The following GSG1L variants were observed in gnomAD, a reference collection of about 807,000 sequenced individuals.
GSG1L encodes germ cell-specific gene 1-like protein.
A neutral mutation model predicts 42.1 loss-of-function variants in GSG1L; 24 were observed. The ratio of observed to expected loss-of-function variants is 0.57; its 90% CI spans 0.41 to 0.80. The LOEUF (loss-of-function observed/expected upper bound fraction) is 0.80, where lower values mean the gene tolerates loss of function less well. Ranked by LOEUF, GSG1L falls within the 30% of genes least tolerant of loss-of-function variation. GSG1L has a pLI of 0.00. For missense variants in GSG1L, 445 were observed against 472.2 expected (o/e 0.94, Z 0.53); for synonymous variants, 215 against 203.5 (o/e 1.06, Z -0.48).
chr16:27,853,232 GC>G (rs2083536540), intron 3 of GSG1L, among the ~76,000 whole-genome samples: 1 of 152,198 alleles, frequency 6.6e-6, no homozygotes, highest in Non-Finnish European at 1.5e-5. Flanking sequence ...TGTGCCCTCT[GC>G]CCTGGGGGAA....
rs113033995 is a variant in GSG1L at position 27,852,805 on chromosome 16, C to T, written c.551-7744G>A. ...AGCATGGCTGTGGCCTGAGAACAGG[C>T]GAGAGGAGCAGGAGGCAGGGAGCCT... On this transcript the variant is annotated intron_variant, in intron 3 of 6. Transcript: ENST00000447459. 3.1e-3 allele frequency among the ~76,000 whole-genome samples: 476 copies of T among 152,110 alleles called. 1 individual carries two copies. The highest frequency in any genetic ancestry group is 0.011 in the African/African-American group (446 of 41,510).
At position 27,888,005 on chromosome 16, in the gene GSG1L, C is replaced by T. The variant is rs371946609; in HGVS notation, c.398-3367G>A. 2.0e-5 allele frequency: 14 copies of T among 705,616 alleles called. No homozygotes were observed. In the East Asian group the frequency reaches 1.0e-3, roughly 53 times the overall value. The allele number at this position is 705,616 out of a possible 1,614,324, so 43.7% of individuals were successfully genotyped here. ...GCAGGAAATTCAGAGAGCGCTGAGC[C>T]TGCAGGAGGGTGGCCGCCCCCAGGA... On this transcript the variant is annotated intron_variant, in intron 2 of 6. Transcript: ENST00000447459.
intron 1 of GSG1L, among the ~76,000 whole-genome samples, chr16:27,997,429 C>T (rs1399437939): frequency 2.8e-5 from 4 of 145,340 alleles, no homozygotes; most frequent in African/African-American, 1.0e-4. Flanking sequence ...AAGCAATTCT[C>T]CTGCCTCAGC....
intron 5 of GSG1L, among the ~76,000 whole-genome samples, chr16:27,811,716 T>C (rs1270411493): frequency 6.6e-6 from 1 of 152,230 alleles, no homozygotes; most frequent in Non-Finnish European, 1.5e-5. Flanking sequence ...TGGTGTGATC[T>C]TGGCTCACTG....
intron 2 of GSG1L, among the ~76,000 whole-genome samples, chr16:27,897,002 T>C (rs915823216): frequency 5.3e-5 from 8 of 152,058 alleles, no homozygotes; most frequent in Non-Finnish European, 1.0e-4. Context: ...TAGCTGGGAT[T>C]ACAGGCGTAC....
At chr16:27,928,890 T>TA (rs1252714431) in intron 2 of GSG1L, among the ~76,000 whole-genome samples, 1 of 152,220 alleles carries the variant, frequency 6.6e-6, no homozygotes, top group Non-Finnish European at 1.5e-5. Context: ...CTTCCCTCCT[T>TA]ACAAACTAGC....
chr16:28,026,236 T>C (rs2085899255), intron 1 of GSG1L, among the ~76,000 whole-genome samples: 1 of 152,092 alleles, frequency 6.6e-6, no homozygotes, highest in Non-Finnish European at 1.5e-5. Context: ...CAGCACCCGG[T>C]ATATCACGGG....
At chr16:27,797,977 C>T (rs964650550) in intron 6 of GSG1L, among the ~76,000 whole-genome samples, 7 of 151,988 alleles carry the variant, frequency 4.6e-5, no homozygotes, top group Non-Finnish European at 1.0e-4. Flanking sequence ...AGCTAAACAA[C>T]AAGCACATAC....
At chr16:27,880,001 T>C (rs2083933931) in intron 3 of GSG1L, among the ~76,000 whole-genome samples, 1 of 152,074 alleles carries the variant, frequency 6.6e-6, no homozygotes, top group Admixed American at 6.6e-5. Context: ...GGCACTGACC[T>C]TGGGCTGAGC....
At chr16:27,903,338 G>T (rs529124573) in intron 2 of GSG1L, among the ~76,000 whole-genome samples, 1 of 152,270 alleles carries the variant, frequency 6.6e-6, no homozygotes, top group East Asian at 1.9e-4. Context: ...AGAGAAGTGG[G>T]CCTGGTGTCA....
chr16:28,009,315 C>A (rs562141695), intron 1 of GSG1L, among the ~76,000 whole-genome samples: 19 of 152,268 alleles, frequency 1.2e-4, no homozygotes, highest in African/African-American at 4.3e-4. Flanking sequence ...ACCTTTGGAG[C>A]TTGTGCCCTC....
At chr16:28,058,416 G>A (rs534618457) in intron 1 of GSG1L, among the ~76,000 whole-genome samples, 2 of 152,246 alleles carry the variant, frequency 1.3e-5, no homozygotes, top group Non-Finnish European at 2.9e-5. Context: ...ATCGCTTGAG[G>A]CCAGGAATTT....
rs72780152 is a variant in GSG1L, at chr16:27,800,798, C to T, written c.898+6689G>A. Among the ~76,000 whole-genome samples the T allele has an allele frequency of 2.0e-3, 305 of 152,268 alleles. 2 individuals carry two copies. Among genetic ancestry groups the T allele is most frequent in the Admixed American group, 3.5e-3 (53 of 15,292 alleles). On this transcript the variant is annotated intron_variant, in intron 6 of 6. Coordinates refer to ENST00000447459, the MANE Select transcript of GSG1L (RefSeq NM_001109763.2). Reference sequence around the variant, plus strand: ...CCAACAATTAAGCACCTATTATGTGCCACACACTAGTTTAGACTCTTGGGA... The same window carrying T: ...CCAACAATTAAGCACCTATTATGTGTCACACACTAGTTTAGACTCTTGGGA...
chr16:27,926,945 C>T (rs781216900), intron 2 of GSG1L, among the ~76,000 whole-genome samples: 2 of 152,088 alleles, frequency 1.3e-5, no homozygotes, highest in African/African-American at 2.4e-5. Flanking sequence ...AACTGAGGCT[C>T]GGAGGGTTTA....
intron 1 of GSG1L, among the ~76,000 whole-genome samples, chr16:28,011,868 T>G (rs1175081924): frequency 6.6e-6 from 1 of 152,204 alleles, no homozygotes; most frequent in East Asian, 1.9e-4. Context: ...CAGTTGGACT[T>G]AACTCCTAAC....
At chr16:28,003,480 C>T (rs1265162693) in intron 1 of GSG1L, among the ~76,000 whole-genome samples, 1 of 152,214 alleles carries the variant, frequency 6.6e-6, no homozygotes, top group Non-Finnish European at 1.5e-5. Context: ...CAACCCACCT[C>T]CCAGAGTCCT....
chr16:28,003,641 GAGA>G (rs985920478), intron 1 of GSG1L, among the ~76,000 whole-genome samples: 2 of 152,218 alleles, frequency 1.3e-5, no homozygotes, highest in African/African-American at 4.8e-5. Flanking sequence ...GCTCCCAGAG[GAGA>G]AGAACTGGGC....
intron 3 of GSG1L, among the ~76,000 whole-genome samples, chr16:27,846,176 TTC>T (rs920313645): frequency 3.9e-5 from 6 of 152,208 alleles, no homozygotes; most frequent in Non-Finnish European, 5.9e-5. Flanking sequence ...CCACCGATCT[TTC>T]TCTGTGTTCC....
intron 1 of GSG1L, among the ~76,000 whole-genome samples, chr16:28,002,765 CT>C (rs1302907794): frequency 6.7e-6 from 1 of 149,822 alleles, no homozygotes; most frequent in African/African-American, 2.5e-5. Flanking sequence ...CCCGTCTCTA[CT>C]AAAAATACAA....
Sources: gnomAD v4.1 joint callset for allele counts (sites outside exome capture counted in the v4.1 genomes callset) on GRCh38, gnomAD v4.1.1 for gene constraint, MANE v1.5 for transcripts, NCBI Gene and HGNC (gene_info 2026-07-23, HGNC 2026-07-21) for gene names.